The following SAGE1 variants were observed in gnomAD, a reference collection of about 807,000 sequenced individuals.
SAGE1 encodes the protein cancer/testis antigen 14.
Under a neutral mutation model 55.4 loss-of-function variants are expected in SAGE1, and 55 were observed. The ratio of observed to expected loss-of-function variants is 0.99; its 90% CI spans 0.80 to 1.24. The LOEUF is 1.24. Ranked by LOEUF, SAGE1 falls within the 50% of genes most tolerant of loss-of-function variation. SAGE1 has a pLI of 0.00. For missense variants in SAGE1, 710 were observed against 704.4 expected, an observed-to-expected ratio of 1.01 and a Z score of -0.09; for synonymous variants, 240 against 244.3, an observed-to-expected ratio of 0.98 and a Z score of 0.17.
At chrX:135,903,818 C>T (rs56254101) in intron 3 of SAGE1, among the ~76,000 whole-genome samples, 1 of 110,767 alleles carries the variant, frequency 9.0e-6, no homozygotes. Context: ...TACAAAATGA[C>T]GAATACAAAA....
At chrX:135,900,420 C>T (rs1425539481) in intron 2 of SAGE1, among the ~76,000 whole-genome samples, 1 of 111,145 alleles carries the variant, frequency 9.0e-6, no homozygotes, top group Non-Finnish European at 1.9e-5. Flanking sequence ...GATTTTGCAT[C>T]GATGTTCATC....
chrX:135,910,268 G>A (rs1480736889), intron 15 of SAGE1, 98 bp downstream of exon 15: 1 of 1,046,121 alleles, frequency 9.6e-7, no homozygotes, highest in Non-Finnish European at 1.3e-6. Context: ...ACCTTTTCAG[G>A]CCTCAATTTT....
chrX:135,895,420 TA>T (rs1410435687), intron 1 of SAGE1, among the ~76,000 whole-genome samples: 1 of 112,342 alleles, frequency 8.9e-6, no homozygotes, highest in Non-Finnish European at 1.9e-5. Flanking sequence ...GTCACACTTC[TA>T]AAATTGTACA....
rs370718429 is a variant in SAGE1, at chrX:135,907,465, T to A, written c.1018+12T>A. 1 of 1,190,802 alleles carries A rather than the reference T, an allele frequency of 8.4e-7. No homozygotes were observed. Among genetic ancestry groups the A allele is most frequent in the African/African-American group, 1.8e-5 (1 of 56,891 alleles). On this transcript the variant is annotated intron_variant, in intron 9 of 19. Coordinates refer to ENST00000370709, the MANE Select transcript of SAGE1 (RefSeq NM_001381902.1). The stretch of plus-strand genomic sequence containing the variant: ...TACCAGGGATCAGTGTATGTTTGTT[T>A]ACTAGTTGTAGTGTCCTAGTTGGTT...
At chrX:135,912,737 T>C in intron 19 of SAGE1, 61 bp from the exon 20 acceptor site, 1 of 1,181,339 alleles carries the variant, frequency 8.5e-7, no homozygotes, top group Non-Finnish European at 1.1e-6. Context: ...CCACTCTACC[T>C]CTTACATCTC....
chrX:135,908,990 G>A lies in SAGE1; in HGVS notation c.1568G>A (p.Ser523Asn). The change falls in exon 13 of 20, where the codon AGT (serine) becomes AAT (asparagine). Residue 523 changes from serine to asparagine, a missense_variant. Ser to Asn is a conservative substitution (Grantham distance 46, BLOSUM62 1). Coordinates refer to ENST00000370709, the MANE Select transcript of SAGE1 (RefSeq NM_001381902.1). ...GCTGCAGGTGGTATTCCATCCATGA[G>A]TACCAAGGATCTGTGTATGTCTGTT... Reference protein sequence around the residue: ...HMAAGGIPSMSTKDLYATVTQ... With the variant: ...HMAAGGIPSMNTKDLYATVTQ... 1 of 1,207,314 alleles carries A rather than the reference G, an allele frequency of 8.3e-7. No individual in the cohort carries two copies. The highest frequency in any genetic ancestry group is 1.1e-6 in the Non-Finnish European group (1 of 891,799).
At chrX:135,904,813 G>A (rs371802277) in intron 4 of SAGE1, among the ~76,000 whole-genome samples, 3 of 108,339 alleles carry the variant, frequency 2.8e-5, no homozygotes, top group African/African-American at 1.0e-4. Context: ...TACCTGTGGG[G>A]TTGACATAAT....
intron 8 of SAGE1, 25 bp from the exon 9 acceptor site, chrX:135,907,288 C>A: frequency 8.3e-7 from 1 of 1,198,427 alleles, no homozygotes; most frequent in Non-Finnish European, 1.1e-6. Context: ...TTACTCACAG[C>A]TCAACCTCTT....
chrX:135,903,301 A>T (rs5930812), intron 3 of SAGE1, among the ~76,000 whole-genome samples: 4 of 112,104 alleles, frequency 3.6e-5, no homozygotes, highest in African/African-American at 1.3e-4. Context: ...CTGCAGCCCC[A>T]GGGGCTCCCT....
intron 1 of SAGE1, among the ~76,000 whole-genome samples, chrX:135,894,492 T>A: frequency 8.9e-6 from 1 of 112,223 alleles, no homozygotes; most frequent in Non-Finnish European, 1.9e-5. Flanking sequence ...AAGGTCAGTA[T>A]TAATAACCCC....
At chrX:135,901,928 C>T (rs1465278519) in intron 3 of SAGE1, among the ~76,000 whole-genome samples, 2 of 111,870 alleles carry the variant, frequency 1.8e-5, no homozygotes, top group African/African-American at 3.3e-5. Context: ...CCTCACATTC[C>T]GCTCTAACCC....
chrX:135,900,978 C>G (rs1217697817), intron 2 of SAGE1, among the ~76,000 whole-genome samples: 1 of 109,155 alleles, frequency 9.2e-6, no homozygotes, highest in East Asian at 2.9e-4. Context: ...AACCCCATCT[C>G]TACTAAAAAT....
At chrX:135,895,023 G>A (rs1294332716) in intron 1 of SAGE1, among the ~76,000 whole-genome samples, 2 of 107,378 alleles carry the variant, frequency 1.9e-5, no homozygotes, top group Admixed American at 2.0e-4. Context: ...TTAACTTAAA[G>A]GAAAGTATGT....
chrX:135,899,067 C>T (rs1429086340), intron 2 of SAGE1, among the ~76,000 whole-genome samples: 1 of 111,844 alleles, frequency 8.9e-6, no homozygotes, highest in Non-Finnish European at 1.9e-5. Flanking sequence ...AAATCTTTGC[C>T]GGTGCCTATG....
At chrX:135,906,834 A>G in intron 7 of SAGE1, 92 bp from the exon 8 acceptor site, 1 of 1,034,675 alleles carries the variant, frequency 9.7e-7, no homozygotes, top group Non-Finnish European at 1.3e-6. Flanking sequence ...TTTATGAGAT[A>G]ATTTCCTAGA....
Position 135,907,425 on chromosome X carries a change from T to C in SAGE1, c.990T>C (p.Gly330=). 8.3e-7 allele frequency: 1 copy of C among 1,208,442 alleles called. No individual in the cohort carries two copies. The highest frequency in any genetic ancestry group is 1.1e-6 in the Non-Finnish European group (1 of 892,943). The change falls in exon 9 of 20, where the codon GGT becomes GGC. Residue 330 remains glycine, a synonymous_variant. Coordinates refer to ENST00000370709, the MANE Select transcript of SAGE1 (RefSeq NM_001381902.1). ...QPVIIYLTAT[G]IPGMNTRDQY... is the part of the protein sequence containing the mutation. ...TGATTATTTATTTGACAGCAACTGG[T>C]ATTCCGGGCATGAATACCAGGGATC... is the stretch of plus-strand genomic sequence containing the variant.
In SAGE1 at chrX:135,907,363, C is replaced by G. The variant is rs138507588; in HGVS notation, c.928C>G (p.Pro310Ala). The G allele has an allele frequency of 8.3e-7, 1 of 1,207,783 alleles. No homozygotes were observed. The highest frequency in any genetic ancestry group is 2.2e-5 in the Admixed American group (1 of 45,902). ...TGAAGAGAAGATGGAAAATGACCAA[C>G]CGCAACCTAATAACGTATTGTCAAC... is the stretch of plus-strand genomic sequence containing the variant. ...VCEEKMENDQPQPNNVLSTVQ... is the reference protein window; with the variant it reads ...VCEEKMENDQAQPNNVLSTVQ... Residue 310 changes from proline to alanine, a missense_variant, in exon 9 of 20, where the codon CCG becomes GCG. Pro to Ala is a conservative substitution (Grantham distance 27). Coordinates refer to ENST00000370709, the MANE Select transcript of SAGE1 (RefSeq NM_001381902.1).
intron 3 of SAGE1, 141 bp downstream of exon 3, chrX:135,901,832 A>G (rs2088684886): frequency 1.7e-6 from 1 of 590,791 alleles, no homozygotes; most frequent in African/African-American, 2.2e-5. Flanking sequence ...GAGTTGTTGC[A>G]AGCGTTAGAT....
chrX:135,908,596 G>A lies in SAGE1; in HGVS notation c.1420G>A (p.Ala474Thr). Residue 474 changes from alanine (A) to threonine (T), a missense_variant, in exon 12 of 20, where the codon GCA (alanine) becomes ACA (threonine). By Grantham distance (58) the Ala-to-Thr change is moderately conservative (BLOSUM62 0). Transcript: ENST00000370709. ...LINMAGASIP[A>T]MSSRDLYATI... is the part of the protein sequence containing the mutation. ...TAATATGGCAGGAGCTAGTATTCCAGCAATGAGTTCCAGGGATCTGTGTAT... is the reference window on the plus strand; with the variant it reads ...TAATATGGCAGGAGCTAGTATTCCAACAATGAGTTCCAGGGATCTGTGTAT... The A allele has an allele frequency of 8.3e-7, 1 of 1,201,266 alleles. No homozygotes were observed.
Sources: gnomAD v4.1 joint callset for allele counts (sites outside exome capture counted in the v4.1 genomes callset) on GRCh38, gnomAD v4.1.1 for gene constraint, MANE v1.5 for transcripts, NCBI Gene and HGNC (gene_info 2026-07-23, HGNC 2026-07-21) for gene names.